The following CALD1 variants were observed in gnomAD, a reference collection of about 807,000 sequenced individuals.
The protein encoded by CALD1 is caldesmon 1, also known as caldesmon.
CALD1 carries 33 observed loss-of-function variants against 99.9 expected under a neutral mutation model. The ratio of observed to expected loss-of-function variants is 0.33; its 90% CI spans 0.25 to 0.44. CALD1 has a LOEUF of 0.44. Ranked by LOEUF, CALD1 falls within the 20% of genes least tolerant of loss-of-function variation. The pLI, the probability that CALD1 is intolerant of heterozygous loss-of-function variation, is 1.00. For missense variants in CALD1, 861 were observed against 962.1 expected, an observed-to-expected ratio of 0.89 and a Z score of 1.39; for synonymous variants, 310 against 325.0, an observed-to-expected ratio of 0.95 and a Z score of 0.50.
chr7:134,786,460 T>G (rs6467557), intron 1 of CALD1, among the ~76,000 whole-genome samples: 102,187 of 152,038 alleles, frequency 0.67, 34,818 homozygotes, highest in East Asian at 0.91. Flanking sequence ...CTTTTTAAAA[T>G]ATGAACCAGT....
At chr7:134,914,986 G>A (rs1401839745) in intron 3 of CALD1, among the ~76,000 whole-genome samples, 1 of 152,198 alleles carries the variant, frequency 6.6e-6, no homozygotes, top group Non-Finnish European at 1.5e-5. Flanking sequence ...TGGCTTGAAT[G>A]GAGTAAATGT....
At chr7:134,769,623 T>G (rs1347352243) in intron 1 of CALD1, among the ~76,000 whole-genome samples, 1 of 152,158 alleles carries the variant, frequency 6.6e-6, no homozygotes, top group Non-Finnish European at 1.5e-5. Context: ...TTGTAGGCAT[T>G]CCTTGATAGT....
At chr7:134,778,623 T>C (rs1022536666), upstream of CALD1, among the ~76,000 whole-genome samples, 3 of 152,312 alleles carry the variant, frequency 2.0e-5, no homozygotes, top group Middle Eastern at 6.8e-3. Context: ...GTTACCTTAA[T>C]TCTCATTAGC....
At chr7:134,807,179 G>C (rs369016486) in intron 1 of CALD1, among the ~76,000 whole-genome samples, 237 of 152,144 alleles carry the variant, frequency 1.6e-3, no homozygotes, top group African/African-American at 5.4e-3. Flanking sequence ...AATGAGTCTT[G>C]TAATGGGAAA....
intron 1 of CALD1, among the ~76,000 whole-genome samples, chr7:134,805,160 A>G (rs1271011639): frequency 6.6e-6 from 1 of 152,224 alleles, no homozygotes; most frequent in Non-Finnish European, 1.5e-5. Flanking sequence ...AGAAAAACAC[A>G]TCTTATAGTT....
At chr7:134,723,475 C>G in the CALD1 span, among the ~76,000 whole-genome samples, 15 of 152,026 alleles carry the variant, frequency 9.9e-5, no homozygotes, top group African/African-American at 2.9e-4. Context: ...CTCAATACCC[C>G]CAATATTCCC....
intron 1 of CALD1, among the ~76,000 whole-genome samples, chr7:134,801,732 C>T (rs557761376): frequency 2.6e-5 from 4 of 152,136 alleles, no homozygotes; most frequent in African/African-American, 7.2e-5. Context: ...GATTCTCCCA[C>T]CTTAGCCTCC....
intron 1 of CALD1, among the ~76,000 whole-genome samples, chr7:134,805,345 G>A (rs1393106494): frequency 6.6e-6 from 1 of 152,050 alleles, no homozygotes; most frequent in African/African-American, 2.4e-5. Flanking sequence ...TCTAATTTTT[G>A]AGAGTTTCCT....
chr7:134,755,704 C>T (rs771819309), intron 1 of CALD1, among the ~76,000 whole-genome samples: 1 of 144,706 alleles, frequency 6.9e-6, no homozygotes, highest in Non-Finnish European at 1.6e-5. Flanking sequence ...TATCCTTACT[C>T]TGTCTCTTGT....
Position 134,800,764 on chromosome 7 carries a change from A to G in CALD1, c.-130+21015A>G, listed in dbSNP as rs561765377. On this transcript the variant is annotated intron_variant, in intron 1 of 14. Transcript: ENST00000361675. The stretch of plus-strand genomic sequence containing the variant: ...TCTGAAAACAGGGCAAACTTAATTT[A>G]AACAATATATTAGTCACATTTTAAA... Among the ~76,000 whole-genome samples, 23 of 152,136 alleles carry G rather than the reference A, an allele frequency of 1.5e-4. 1 individual carries two copies. The South Asian group carries it at 3.7e-3, about 25-fold the overall frequency.
chr7:134,820,356 A>G (rs1798725600), intron 1 of CALD1, among the ~76,000 whole-genome samples: 1 of 152,216 alleles, frequency 6.6e-6, no homozygotes, highest in Non-Finnish European at 1.5e-5. Flanking sequence ...TATGTTGTCA[A>G]AAAGGTGAAA....
At chr7:134,953,584 C>T (rs1807531375) in intron 9 of CALD1, among the ~76,000 whole-genome samples, 2 of 150,482 alleles carry the variant, frequency 1.3e-5, no homozygotes, top group Non-Finnish European at 3.0e-5. Flanking sequence ...AAAATCCCAC[C>T]CAAGCCTTCC....
chr7:134,728,632 C>G, the CALD1 span, among the ~76,000 whole-genome samples: 2 of 152,072 alleles, frequency 1.3e-5, no homozygotes, highest in Non-Finnish European at 2.9e-5. Context: ...AGCAGTCACC[C>G]CCATTCTTCT....
At chr7:134,885,840 G>A (rs950285534) in intron 3 of CALD1, among the ~76,000 whole-genome samples, 1 of 151,766 alleles carries the variant, frequency 6.6e-6, no homozygotes, top group Non-Finnish European at 1.5e-5. Flanking sequence ...ATATAAAGCA[G>A]GTATTATTAT....
intron 1 of CALD1, among the ~76,000 whole-genome samples, chr7:134,754,083 C>T (rs1796707695): frequency 6.6e-6 from 1 of 152,208 alleles, no homozygotes; most frequent in Non-Finnish European, 1.5e-5. Flanking sequence ...AGTCCCAGCC[C>T]ATCCATCTAG....
chr7:134,762,758 C>A (rs111691434), intron 1 of CALD1, among the ~76,000 whole-genome samples: 4,865 of 152,154 alleles, frequency 0.032, 237 homozygotes, highest in African/African-American at 0.11. Flanking sequence ...CCAAGGGGGA[C>A]ATCCACACCC....
intron 2 of CALD1, among the ~76,000 whole-genome samples, chr7:134,861,718 G>GT (rs1461751329): frequency 6.6e-6 from 1 of 152,204 alleles, no homozygotes; most frequent in Non-Finnish European, 1.5e-5. Flanking sequence ...TTGTATAAAT[G>GT]TTTTTGTGAG....
intron 3 of CALD1, chr7:134,920,805 T>C (rs1804561383): frequency 3.0e-6 from 2 of 657,100 alleles, no homozygotes; most frequent in African/African-American, 1.9e-5. Flanking sequence ...GTTGGAATTT[T>C]AGGTGCAGAG....
At chr7:134,814,018 C>G (rs1257329712) in intron 1 of CALD1, among the ~76,000 whole-genome samples, 2 of 152,160 alleles carry the variant, frequency 1.3e-5, no homozygotes, top group Non-Finnish European at 2.9e-5. Flanking sequence ...AGAATTATGG[C>G]AGAAGTAGCA....
Sources: gnomAD v4.1 joint callset for allele counts (sites outside exome capture counted in the v4.1 genomes callset) on GRCh38, gnomAD v4.1.1 for gene constraint, MANE v1.5 for transcripts, NCBI Gene and HGNC (gene_info 2026-07-23, HGNC 2026-07-21) for gene names.